ITFG1: variants seen among roughly 807,000 people sequenced by gnomAD.
ITFG1 encodes the protein integrin alpha FG-GAP repeat containing 1, also known as T-cell immunomodulatory protein.
A neutral mutation model predicts 81.8 loss-of-function variants in ITFG1; 34 were observed. That is an observed-to-expected ratio of 0.42 (90% CI 0.32 to 0.55). The LOEUF is 0.55. Ranked by LOEUF, ITFG1 falls within the 20% of genes least tolerant of loss-of-function variation. The probability of loss-of-function intolerance (pLI) is 0.17; values close to 1 mark genes in which losing one functional copy is unlikely to be tolerated. For missense variants in ITFG1, 672 were observed against 755.4 expected (o/e 0.89, Z 1.29); for synonymous variants, 285 against 270.6 (o/e 1.05, Z -0.52).
intron 5 of ITFG1, among the ~76,000 whole-genome samples, chr16:47,437,807 A>G (rs1476020554): frequency 6.6e-6 from 1 of 152,252 alleles, no homozygotes; most frequent in Non-Finnish European, 1.5e-5. Flanking sequence ...TTTCCAACTG[A>G]GGTACCGGGT....
intron 6 of ITFG1, among the ~76,000 whole-genome samples, chr16:47,410,264 G>C (rs1057053815): frequency 6.6e-6 from 1 of 152,028 alleles, no homozygotes; most frequent in African/African-American, 2.4e-5. Flanking sequence ...GGGTGACAGA[G>C]ACCCTGTCTC....
At chr16:47,220,703 C>G (rs1357608534) in intron 13 of ITFG1, among the ~76,000 whole-genome samples, 2 of 152,026 alleles carry the variant, frequency 1.3e-5, no homozygotes, top group Non-Finnish European at 2.9e-5. Context: ...CCAAAATGAC[C>G]AATGCATGAT....
At chr16:47,243,962 C>A (rs926323797) in intron 12 of ITFG1, among the ~76,000 whole-genome samples, 1 of 152,014 alleles carries the variant, frequency 6.6e-6, no homozygotes, top group Non-Finnish European at 1.5e-5. Flanking sequence ...ACCTGGGAGG[C>A]GGAAGTTGCA....
intron 14 of ITFG1, among the ~76,000 whole-genome samples, chr16:47,165,800 TGTAC>T (rs561851474): frequency 7.9e-4 from 121 of 152,280 alleles, no homozygotes; most frequent in Middle Eastern, 3.4e-3. Flanking sequence ...GAGCTGTGAT[TGTAC>T]CACTGCACTC....
In ITFG1 at chr16:47,176,734, A is replaced by T. The variant is rs539028684; in HGVS notation, c.1454-14070T>A. ...CTGATAGGTTATTCTTCTTTCTGGT[A>T]GCAGGATGGGATGGAGAAAGAGACT... On this transcript the variant is annotated intron_variant, in intron 14 of 17. Coordinates refer to ENST00000320640, the MANE Select transcript of ITFG1 (RefSeq NM_030790.5). 6.8e-4 allele frequency among the ~76,000 whole-genome samples: 103 copies of T among 152,316 alleles called. 1 individual carries two copies. The highest frequency in any genetic ancestry group is 2.4e-3 in the African/African-American group (98 of 41,572).
chr16:47,275,818 C>A (rs1414412033), intron 10 of ITFG1, among the ~76,000 whole-genome samples: 1 of 152,086 alleles, frequency 6.6e-6, no homozygotes, highest in African/African-American at 2.4e-5. Context: ...AAACAGTGAT[C>A]ATCTCTGGGT....
intron 8 of ITFG1, among the ~76,000 whole-genome samples, chr16:47,332,366 G>A (rs939506014): frequency 3.9e-5 from 6 of 152,084 alleles, no homozygotes; most frequent in Non-Finnish European, 8.8e-5. Flanking sequence ...AAGCTGCTAT[G>A]TTCAAAAGCA....
At chr16:47,214,117 T>C (rs997751067) in intron 14 of ITFG1, among the ~76,000 whole-genome samples, 4 of 152,174 alleles carry the variant, frequency 2.6e-5, no homozygotes, top group African/African-American at 9.7e-5. Context: ...CTAGCTTGTG[T>C]TGGAGAACAG....
At chr16:47,235,053 C>A (rs774812914) in intron 13 of ITFG1, among the ~76,000 whole-genome samples, 3 of 152,300 alleles carry the variant, frequency 2.0e-5, no homozygotes, top group Non-Finnish European at 4.4e-5. Flanking sequence ...AACCTCTTTT[C>A]TTTATAAATT....
chr16:47,170,327 G>T (rs1226737137), intron 14 of ITFG1, among the ~76,000 whole-genome samples: 3 of 152,120 alleles, frequency 2.0e-5, no homozygotes, highest in Non-Finnish European at 4.4e-5. Context: ...TTCTTTTTCA[G>T]GAGGTTTTCA....
chr16:47,445,464 C>G (rs547714759), intron 5 of ITFG1, among the ~76,000 whole-genome samples: 18 of 152,188 alleles, frequency 1.2e-4, no homozygotes, highest in African/African-American at 3.6e-4. Context: ...AGTTGACATG[C>G]TTAAAATGAT....
chr16:47,450,423 G>A (rs1969374044), intron 5 of ITFG1: 2 of 416,822 alleles, frequency 4.8e-6, no homozygotes, highest in South Asian at 3.5e-5. Context: ...TCCGAGATCA[G>A]AAGAGATGGG....
intron 10 of ITFG1, chr16:47,299,435 G>C (rs1392070942): frequency 1.2e-5 from 1 of 86,156 alleles, no homozygotes; most frequent in Non-Finnish European, 3.1e-5. Context: ...GTGGGAAATA[G>C]GGGGGAAAGC....
chr16:47,231,373 A>G (rs1374150030), intron 13 of ITFG1, among the ~76,000 whole-genome samples: 1 of 152,260 alleles, frequency 6.6e-6, no homozygotes, highest in East Asian at 1.9e-4. Flanking sequence ...CTGAGAATAA[A>G]AGATTTCAAA....
chr16:47,166,428 G>A (rs1182572766), intron 14 of ITFG1, among the ~76,000 whole-genome samples: 1 of 152,128 alleles, frequency 6.6e-6, no homozygotes, highest in African/African-American at 2.4e-5. Context: ...CAAGGCAAGT[G>A]CATGCATAAA....
chr16:47,229,723 G>A (rs1312167225), intron 13 of ITFG1, among the ~76,000 whole-genome samples: 2 of 152,108 alleles, frequency 1.3e-5, no homozygotes, highest in South Asian at 4.2e-4. Context: ...GCCAGGGAAC[G>A]TGGGAAGAGG....
intron 10 of ITFG1, among the ~76,000 whole-genome samples, chr16:47,295,995 C>T (rs539533445): frequency 6.6e-6 from 1 of 152,194 alleles, no homozygotes; most frequent in Admixed American, 6.5e-5. Context: ...ACCTTCTGAG[C>T]TCAAGCGATC....
intron 10 of ITFG1, among the ~76,000 whole-genome samples, chr16:47,296,250 T>A (rs770016073): frequency 1.5e-4 from 23 of 151,946 alleles, no homozygotes; most frequent in Non-Finnish European, 2.8e-4. Context: ...TTTTTCTTTT[T>A]TTTTTAATGT....
intron 6 of ITFG1, among the ~76,000 whole-genome samples, chr16:47,427,703 CTGTACAGCACAGATG>C (rs1234681443): frequency 6.6e-6 from 1 of 152,238 alleles, no homozygotes; most frequent in Non-Finnish European, 1.5e-5. Flanking sequence ...ATCCACACAA[CTGTACAGCACAGATG>C]TGTACAGCAC....
Sources: gnomAD v4.1 joint callset for allele counts (sites outside exome capture counted in the v4.1 genomes callset) on GRCh38, gnomAD v4.1.1 for gene constraint, MANE v1.5 for transcripts, NCBI Gene and HGNC (gene_info 2026-07-23, HGNC 2026-07-21) for gene names.